Variants in STXBP5 observed in about 807,000 individuals in gnomAD.
STXBP5 encodes syntaxin binding protein 5, also known as syntaxin-binding protein 5.
STXBP5 carries 50 observed loss-of-function variants against 152.4 expected under a neutral mutation model. The ratio of observed to expected loss-of-function variants is 0.33; its 90% CI spans 0.26 to 0.42. STXBP5 has a LOEUF of 0.42. STXBP5 is among the 10% of genes least tolerant of loss of function. The pLI is 1.00. For synonymous variants in STXBP5, 492 were observed against 494.7 expected (o/e 0.99, Z 0.07); for missense variants, 1,167 against 1,388.6 (o/e 0.84, Z 2.54).
intron 2 of STXBP5, among the ~76,000 whole-genome samples, chr6:147,230,460 A>G: frequency 6.6e-6 from 1 of 151,904 alleles, no homozygotes; most frequent in East Asian, 1.9e-4. Flanking sequence ...CATATTGTTT[A>G]CTATCTAATT....
intron 16 of STXBP5, among the ~76,000 whole-genome samples, chr6:147,317,799 C>T (rs964184729): frequency 1.3e-5 from 2 of 152,076 alleles, no homozygotes. Flanking sequence ...ACACTTTTCC[C>T]CTTTATTACT....
chr6:147,367,873 A>G (rs1037569238), intron 25 of STXBP5, among the ~76,000 whole-genome samples: 19 of 152,274 alleles, frequency 1.2e-4, no homozygotes, highest in African/African-American at 4.3e-4. Context: ...ATAAAAAGTG[A>G]ATATTATGAA....
intron 2 of STXBP5, among the ~76,000 whole-genome samples, chr6:147,214,153 G>A (rs1582792727): frequency 6.6e-6 from 1 of 152,020 alleles, no homozygotes; most frequent in East Asian, 1.9e-4. Context: ...CAATTATTTT[G>A]CACTTTAATT....
rs757465735 is a variant in STXBP5, at chr6:147,382,953, G to A, written c.3369G>A (p.Ala1123=). ...QKLGDLEERT[A]AMLSSAESFS... is the part of the protein sequence containing the mutation. ...TTGGCGATCTGGAAGAAAGAACTGC[G>A]GCCATGTTATCAAGTGCAGAGTCAT... The change falls in exon 27 of 28, where the codon GCG becomes GCA. Residue 1123 remains alanine (A), a synonymous_variant. Transcript: ENST00000321680. 17 of 1,613,222 alleles carry A rather than the reference G, an allele frequency of 1.1e-5. No individual in the cohort carries two copies. In the East Asian group the frequency reaches 2.5e-4, roughly 23 times the overall value.
intron 16 of STXBP5, among the ~76,000 whole-genome samples, chr6:147,318,305 T>TGG (rs1782744441): frequency 6.6e-6 from 1 of 152,192 alleles, no homozygotes; most frequent in African/African-American, 2.4e-5. Context: ...GCCAGCCTGA[T>TGG]AGGTGAGTCT....
At chr6:147,229,576 G>A (rs577906303) in intron 2 of STXBP5, among the ~76,000 whole-genome samples, 71 of 151,708 alleles carry the variant, frequency 4.7e-4, no homozygotes, top group African/African-American at 1.6e-3. Flanking sequence ...TAATGTTACA[G>A]GTCTTGCATT....
At chr6:147,338,497 A>G (rs1178055285) in intron 19 of STXBP5, among the ~76,000 whole-genome samples, 1 of 151,930 alleles carries the variant, frequency 6.6e-6, no homozygotes, top group Non-Finnish European at 1.5e-5. Flanking sequence ...TTAAAGAAAT[A>G]CTATGAGAAA....
rs533130805 is a variant in STXBP5, at chr6:147,338,253, G to A, written c.2147-926G>A. ...GCCTTTTGGAAGTTCATTCCAGTGA[G>A]GAAGGTCATATGTGCATAAATCTAA... On this transcript the variant is annotated intron_variant, in intron 19 of 27. Coordinates refer to ENST00000321680, the MANE Select transcript of STXBP5 (RefSeq NM_001127715.4). Among the ~76,000 whole-genome samples the A allele has an allele frequency of 5.3e-5, 8 of 152,142 alleles. No homozygotes were observed. In the East Asian group the frequency reaches 1.4e-3, roughly 26 times the overall value.
intron 9 of STXBP5, among the ~76,000 whole-genome samples, chr6:147,293,733 A>G (rs1324772409): frequency 6.6e-6 from 1 of 152,194 alleles, no homozygotes; most frequent in East Asian, 1.9e-4. Flanking sequence ...CTCATTGGCC[A>G]GGTTAGGTCC....
intron 9 of STXBP5, among the ~76,000 whole-genome samples, chr6:147,291,399 A>G (rs117405836): frequency 0.031 from 4,727 of 152,210 alleles, 117 homozygotes; most frequent in Non-Finnish European, 0.05. Flanking sequence ...GAAAGTTTGA[A>G]TTATTTTTCC....
At chr6:147,296,540 G>T (rs1781535464) in intron 9 of STXBP5, among the ~76,000 whole-genome samples, 1 of 152,088 alleles carries the variant, frequency 6.6e-6, no homozygotes. Context: ...TCAACCAAAT[G>T]TGCAGATTCA....
chr6:147,232,654 A>G (rs1157549829), intron 2 of STXBP5, among the ~76,000 whole-genome samples: 1 of 151,758 alleles, frequency 6.6e-6, no homozygotes, highest in Non-Finnish European at 1.5e-5. Context: ...AAACATGAAT[A>G]ATAACTACCT....
intron 26 of STXBP5, among the ~76,000 whole-genome samples, chr6:147,381,711 T>A (rs1786092037): frequency 6.6e-6 from 1 of 152,170 alleles, no homozygotes. Context: ...TAATAAGGGA[T>A]GAAGTACTGA....
At position 147,364,054 on chromosome 6, in the gene STXBP5, T is replaced by C; in HGVS notation, c.2969T>C (p.Met990Thr). Residue 990 changes from methionine (M) to threonine (T), a missense_variant, in exon 25 of 28, where the codon ATG becomes ACG. By Grantham distance (81) the Met-to-Thr change is moderately conservative. Around this residue, in one of 3 missense-constraint regions of STXBP5, gnomAD observed 833 missense variants for 986.3 expected, o/e 0.84. Transcript: ENST00000321680. ...LDVYYLPLTN[M>T]RIARTFCFTN... ...GTGTATTACTTGCCCCTTACCAATATGCGGATAGCCAGAACGTTCTGCTTT... is the reference window on the plus strand; with the variant it reads ...GTGTATTACTTGCCCCTTACCAATACGCGGATAGCCAGAACGTTCTGCTTT... The C allele has an allele frequency of 6.2e-7, 1 of 1,614,086 alleles. No individual in the cohort carries two copies. The highest frequency in any genetic ancestry group is 2.2e-5 in the East Asian group (1 of 44,868).
intron 2 of STXBP5, among the ~76,000 whole-genome samples, chr6:147,229,663 T>A (rs994560241): frequency 1.3e-5 from 2 of 151,992 alleles, no homozygotes. Flanking sequence ...TTAATTTCAT[T>A]TATAGATCAT....
At position 147,309,952 on chromosome 6, in the gene STXBP5, A is replaced by G. The variant is rs932163960; in HGVS notation, c.918-132A>G. The G allele has an allele frequency of 1.0e-5, 6 of 588,864 alleles. No individual in the cohort carries two copies. The South Asian group carries it at 2.0e-4, about 19-fold the overall frequency. The allele number at this position is 588,864 out of a possible 1,614,324, so 36.5% of individuals were successfully genotyped here. On this transcript the variant is annotated intron_variant, in intron 9 of 27. Coordinates refer to ENST00000321680, the MANE Select transcript of STXBP5 (RefSeq NM_001127715.4). ...ATCCAATTAAAAATTCCATGAGACA[A>G]TTCAATTATATGATGTGTAAAAATG...
chr6:147,340,008 A>C (rs1384416220), intron 21 of STXBP5, among the ~76,000 whole-genome samples: 1 of 152,056 alleles, frequency 6.6e-6, no homozygotes, highest in Non-Finnish European at 1.5e-5. Flanking sequence ...TGAGGACATA[A>C]TCAAATTAGG....
intron 4 of STXBP5, among the ~76,000 whole-genome samples, chr6:147,258,616 A>G (rs540338227): frequency 3.2e-4 from 48 of 152,034 alleles, no homozygotes; most frequent in African/African-American, 1.1e-3. Flanking sequence ...GTATTTTTTA[A>G]TAGAGACGGG....
At chr6:147,255,930 C>T (rs1779337335) in intron 4 of STXBP5, among the ~76,000 whole-genome samples, 1 of 152,104 alleles carries the variant, frequency 6.6e-6, no homozygotes, top group Admixed American at 6.5e-5. Context: ...ATTTTTTGGA[C>T]TGTAGACTAT....
Sources: gnomAD v4.1 joint callset for allele counts (sites outside exome capture counted in the v4.1 genomes callset) on GRCh38, gnomAD v4.1.1 for gene constraint, gnomAD v4.1.1 regional missense constraint, MANE v1.5 for transcripts, NCBI Gene and HGNC (gene_info 2026-07-23, HGNC 2026-07-21) for gene names.